The following HECW2 variants were observed in gnomAD, a reference collection of about 807,000 sequenced individuals.
The protein encoded by HECW2 is HECT, C2 and WW domain containing E3 ubiquitin protein ligase 2.
A neutral mutation model predicts 175.2 loss-of-function variants in HECW2; 61 were observed. The ratio of observed to expected loss-of-function variants is 0.35; its 90% CI spans 0.28 to 0.43. The LOEUF (loss-of-function observed/expected upper bound fraction) is 0.43, where lower values mean the gene tolerates loss of function less well. Ranked by LOEUF, HECW2 falls within the 20% of genes least tolerant of loss-of-function variation. HECW2 has a pLI of 1.00. For synonymous variants in HECW2, 671 were observed against 731.0 expected (o/e 0.92, Z 1.32); for missense variants, 1,524 against 2,000.5 (o/e 0.76, Z 4.54).
intron 1 of HECW2, among the ~76,000 whole-genome samples, chr2:196,551,147 C>G (rs1452311509): frequency 6.6e-6 from 1 of 152,150 alleles, no homozygotes; most frequent in African/African-American, 2.4e-5. Context: ...ATCTCCATCA[C>G]AACAGACCAG....
chr2:196,552,531 ATTAAAAGATAAAGT>A (rs1295367733), intron 1 of HECW2, among the ~76,000 whole-genome samples: 1 of 152,244 alleles, frequency 6.6e-6, no homozygotes, highest in Non-Finnish European at 1.5e-5. Flanking sequence ...AAGCCTTACT[ATTAAAAGATAAAGT>A]GCAGAGTCAG....
intron 1 of HECW2, among the ~76,000 whole-genome samples, chr2:196,556,001 C>G (rs995053934): frequency 6.6e-6 from 1 of 152,222 alleles, no homozygotes; most frequent in Non-Finnish European, 1.5e-5. Flanking sequence ...GCCACTTCCA[C>G]TGGAAATCCC....
At chr2:196,335,321 G>T (rs1453638277) in intron 3 of HECW2, among the ~76,000 whole-genome samples, 2 of 152,194 alleles carry the variant, frequency 1.3e-5, no homozygotes, top group Admixed American at 1.3e-4. Flanking sequence ...CTGTGTTAAA[G>T]ATAAACCTAC....
chr2:196,572,715 G>A (rs111965040), intron 1 of HECW2, among the ~76,000 whole-genome samples: 1 of 152,254 alleles, frequency 6.6e-6, no homozygotes, highest in African/African-American at 2.4e-5. Context: ...GGTCACAAGG[G>A]TAGAGCCTTC....
chr2:196,438,369 T>A (rs10180365), intron 1 of HECW2, among the ~76,000 whole-genome samples: 88,787 of 152,166 alleles, frequency 0.58, 29,207 homozygotes, highest in East Asian at 0.92. Flanking sequence ...TAACTCACTA[T>A]AGCCAAACTT....
At chr2:196,541,314 T>C (rs983919221) in intron 1 of HECW2, among the ~76,000 whole-genome samples, 1 of 152,126 alleles carries the variant, frequency 6.6e-6, no homozygotes, top group Non-Finnish European at 1.5e-5. Flanking sequence ...TTTAATATTA[T>C]GTAAACCACA....
intron 28 of HECW2, among the ~76,000 whole-genome samples, chr2:196,211,647 T>G (rs929780686): frequency 6.6e-6 from 1 of 152,154 alleles, no homozygotes; most frequent in Non-Finnish European, 1.5e-5. Context: ...GACTAGGAAA[T>G]CTGAGAAAAG....
At chr2:196,538,170 C>T (rs1689083846) in intron 1 of HECW2, among the ~76,000 whole-genome samples, 4 of 152,218 alleles carry the variant, frequency 2.6e-5, no homozygotes, top group African/African-American at 9.6e-5. Context: ...ACCTCTCCAC[C>T]TCCTTCCACA....
chr2:196,530,885 C>T (rs532216629), intron 1 of HECW2, among the ~76,000 whole-genome samples: 215 of 152,220 alleles, frequency 1.4e-3, no homozygotes, highest in African/African-American at 4.9e-3. Context: ...TAATACTACA[C>T]CCAGTGTTTC....
chr2:196,451,699 G>A (rs749520757), intron 1 of HECW2, among the ~76,000 whole-genome samples: 1 of 151,968 alleles, frequency 6.6e-6, no homozygotes, highest in Non-Finnish European at 1.5e-5. Flanking sequence ...AAGAGTTTGA[G>A]AGCAGCCTGG....
intron 1 of HECW2, among the ~76,000 whole-genome samples, chr2:196,526,404 T>C: frequency 2.7e-5 from 4 of 146,080 alleles, no homozygotes; most frequent in South Asian, 2.2e-4. Flanking sequence ...AGTTTTCAAC[T>C]TCTTTGCCTT....
chr2:196,409,996 G>A (rs906679289), intron 2 of HECW2, among the ~76,000 whole-genome samples: 1 of 152,158 alleles, frequency 6.6e-6, no homozygotes, highest in Admixed American at 6.5e-5. Context: ...ATTGACCTGA[G>A]ATTGGTATAT....
intron 1 of HECW2, among the ~76,000 whole-genome samples, chr2:196,531,760 C>G (rs1688848731): frequency 6.6e-6 from 1 of 152,090 alleles, no homozygotes; most frequent in African/African-American, 2.4e-5. Context: ...AATACTTTAC[C>G]ACCTCTTAAT....
rs76320122 is a variant in HECW2 at position 196,309,621 on chromosome 2, C to T, written c.2435-1536G>A. 7.2e-5 allele frequency among the ~76,000 whole-genome samples: 11 copies of T among 152,338 alleles called. No individual in the cohort carries two copies. The East Asian group carries it at 1.9e-3, about 27-fold the overall frequency. On this transcript the variant is annotated intron_variant, in intron 10 of 28. Transcript: ENST00000644978. ...AAAAGATTTTGGGAACCAATTACCC[C>T]ATCTCATTCCTTTCTCATCGGAGTC... is the stretch of plus-strand genomic sequence containing the variant.
At chr2:196,397,549 A>G (rs756983681) in intron 2 of HECW2, among the ~76,000 whole-genome samples, 1 of 152,230 alleles carries the variant, frequency 6.6e-6, no homozygotes, top group Non-Finnish European at 1.5e-5. Context: ...TATTATTTTT[A>G]AAAAATGTAT....
chr2:196,334,896 T>C (rs1429966275), intron 3 of HECW2, among the ~76,000 whole-genome samples: 2 of 152,166 alleles, frequency 1.3e-5, no homozygotes, highest in Admixed American at 6.5e-5. Flanking sequence ...CCTTTCCCCA[T>C]ATTACAGAAG....
chr2:196,306,168 C>T (rs1328390845), intron 13 of HECW2, among the ~76,000 whole-genome samples: 1 of 152,182 alleles, frequency 6.6e-6, no homozygotes, highest in African/African-American at 2.4e-5. Context: ...GCTATCTACA[C>T]ACAAGGAAAT....
chr2:196,351,180 TC>T (rs1693156462), intron 2 of HECW2, among the ~76,000 whole-genome samples: 1 of 151,222 alleles, frequency 6.6e-6, no homozygotes. Flanking sequence ...AAAAACTAAT[TC>T]TTTTTTTTTA....
At chr2:196,474,987 T>C (rs1229829889) in intron 1 of HECW2, among the ~76,000 whole-genome samples, 2 of 152,112 alleles carry the variant, frequency 1.3e-5, no homozygotes, top group Non-Finnish European at 2.9e-5. Flanking sequence ...GCAGCATCGT[T>C]ACAGACGCTT....
Sources: allele counts gnomAD v4.1 joint callset (sites outside exome capture counted in the v4.1 genomes callset), GRCh38; gene constraint gnomAD v4.1.1; transcripts MANE v1.5; gene names NCBI Gene and HGNC (gene_info 2026-07-23, HGNC 2026-07-21).